Variants in MSI2 observed in about 807,000 individuals in gnomAD.
MSI2 encodes the protein musashi RNA binding protein 2, also known as RNA-binding protein Musashi homolog 2.
MSI2 carries 17 observed loss-of-function variants against 45.6 expected under a neutral mutation model. The ratio of observed to expected loss-of-function variants is 0.37; its 90% CI spans 0.26 to 0.56. MSI2 has a LOEUF of 0.56. Ranked by LOEUF, MSI2 falls within the 20% of genes least tolerant of loss-of-function variation. MSI2 has a pLI of 0.77. For synonymous variants in MSI2, 156 were observed against 158.2 expected, an observed-to-expected ratio of 0.99 and a Z score of 0.11; for missense variants, 293 against 444.2, an observed-to-expected ratio of 0.66 and a Z score of 3.06.
Position 57,481,263 on chromosome 17 carries a change from A to G in MSI2, c.406-48413A>G, listed in dbSNP as rs2051546143. On this transcript the variant is annotated intron_variant, in intron 6 of 13. Transcript: ENST00000284073. ...CAGCCGGCAAGTAATGTCTTTCAAA[A>G]GGATATATCCATTCTGCTGAAAAGC... 1.3e-5 allele frequency among the ~76,000 whole-genome samples: 2 copies of G among 152,244 alleles called. 1 individual carries two copies. The highest frequency in any genetic ancestry group is 1.3e-4 in the Admixed American group (2 of 15,290).
intron 6 of MSI2, among the ~76,000 whole-genome samples, chr17:57,465,259 C>T (rs911959151): frequency 1.3e-5 from 2 of 151,744 alleles, no homozygotes; most frequent in South Asian, 4.2e-4. Flanking sequence ...TCTAGGAGTT[C>T]GAGAACAGCC....
chr17:57,256,614 A>T lies in MSI2; in HGVS notation c.-129A>T. ...CGCCGCTCGCAGAGAGATTCGGAGG[A>T]GCCCGGGCGGGGGGGAGGAGGAGGG... On this transcript the variant is annotated 5_prime_UTR_variant, in exon 1 of 14. Transcript: ENST00000284073. 1 of 303,068 alleles carries T rather than the reference A, an allele frequency of 3.3e-6. No individual in the cohort carries two copies. Among genetic ancestry groups the T allele is most frequent in the Non-Finnish European group, 5.3e-6 (1 of 187,440 alleles). 18.8% of individuals were successfully genotyped at this position (303,068 alleles called of 1,614,324 possible). A position where few individuals can be genotyped will look rare whatever the true frequency, so the allele number is the denominator to read the frequency against.
chr17:57,369,522 TG>T (rs1205541252), intron 5 of MSI2, among the ~76,000 whole-genome samples: 1 of 152,228 alleles, frequency 6.6e-6, no homozygotes, highest in East Asian at 1.9e-4. Flanking sequence ...TAATTCATTC[TG>T]GTTTTGTTCC....
rs1195472553 is a variant in MSI2, at chr17:57,626,844, A to T, written c.653-385A>T. ...CTCTGTTGTCCACTGCCTTGGGAGG[A>T]TGCATCACGAGGACTTTAATCTCCT... On this transcript the variant is annotated intron_variant, in intron 9 of 13. Coordinates refer to ENST00000284073, the MANE Select transcript of MSI2 (RefSeq NM_138962.4). 3 of 228,366 alleles carry T rather than the reference A, an allele frequency of 1.3e-5. No homozygotes were observed. The East Asian group carries it at 3.5e-4, about 27-fold the overall frequency. 14.1% of individuals were successfully genotyped at this position (228,366 alleles called of 1,614,324 possible).
intron 6 of MSI2, among the ~76,000 whole-genome samples, chr17:57,525,594 T>C (rs2086680899): frequency 6.6e-6 from 1 of 152,200 alleles, no homozygotes. Context: ...CGGCCTATTT[T>C]GCTTTTTCAT....
At chr17:57,352,000 G>A (rs1916067378) in intron 5 of MSI2, among the ~76,000 whole-genome samples, 1 of 152,236 alleles carries the variant, frequency 6.6e-6, no homozygotes. Flanking sequence ...GAAACACTGA[G>A]AGGAAGGTGT....
At chr17:57,472,695 C>T (rs371016503) in intron 6 of MSI2, among the ~76,000 whole-genome samples, 2 of 152,206 alleles carry the variant, frequency 1.3e-5, no homozygotes, top group African/African-American at 4.8e-5. Context: ...GTTGTTATTG[C>T]GTTGCTGTGC....
chr17:57,580,975 T>A (rs1347077094), intron 7 of MSI2, among the ~76,000 whole-genome samples: 1 of 140,740 alleles, frequency 7.1e-6, no homozygotes, highest in African/African-American at 2.6e-5. Context: ...TCTCATTTAA[T>A]CCCCATGCCA....
intron 11 of MSI2, among the ~76,000 whole-genome samples, chr17:57,666,091 G>A (rs1912341720): frequency 6.6e-6 from 1 of 152,206 alleles, no homozygotes; most frequent in Non-Finnish European, 1.5e-5. Context: ...CTCCAAGGCT[G>A]GAGAATCTAT....
At chr17:57,416,392 C>T (rs1255468874) in intron 6 of MSI2, among the ~76,000 whole-genome samples, 1 of 152,200 alleles carries the variant, frequency 6.6e-6, no homozygotes, top group African/African-American at 2.4e-5. Context: ...ATAAATATTT[C>T]TTGCATATGA....
intron 10 of MSI2, chr17:57,629,311 C>T (rs994339477): frequency 3.9e-5 from 6 of 152,230 alleles, no homozygotes; most frequent in Admixed American, 3.3e-4. Flanking sequence ...CATCTATAAT[C>T]CCAGCTACTC....
intron 6 of MSI2, among the ~76,000 whole-genome samples, chr17:57,520,061 A>T (rs1034777196): frequency 2.0e-5 from 3 of 152,192 alleles, no homozygotes; most frequent in African/African-American, 7.2e-5. Context: ...TTTAAATTTT[A>T]AAAAGAGAAA....
chr17:57,344,216 C>T (rs562993802), intron 5 of MSI2, among the ~76,000 whole-genome samples: 10 of 152,304 alleles, frequency 6.6e-5, no homozygotes, highest in East Asian at 3.9e-4. Context: ...TTGGCATCTG[C>T]GGTAAGCAAG....
chr17:57,612,682 G>GT (rs1401165306), intron 8 of MSI2, among the ~76,000 whole-genome samples: 9 of 152,218 alleles, frequency 5.9e-5, no homozygotes, highest in African/African-American at 2.2e-4. Context: ...GAGAGGAAGA[G>GT]TAGGTGGGTT....
Position 57,652,067 on chromosome 17 carries a change from C to T in MSI2, c.728-32C>T. ...GTGCCTGGCCCTTTCAAGGATTCCT[C>T]CATGACTCAGGCTCCTCTCTCTCCT... is the stretch of plus-strand genomic sequence containing the variant. On this transcript the variant is annotated intron_variant, in intron 10 of 13. Coordinates refer to ENST00000284073, the MANE Select transcript of MSI2 (RefSeq NM_138962.4). This position sits in a 1 kb window ranked among gnomAD's most constrained non-coding sequence, Gnocchi z 4.1. 6.2e-7 allele frequency: 1 copy of T among 1,611,500 alleles called. No individual in the cohort carries two copies. The highest frequency in any genetic ancestry group is 8.5e-7 in the Non-Finnish European group (1 of 1,177,666).
intron 6 of MSI2, among the ~76,000 whole-genome samples, chr17:57,429,884 G>GA (rs1263539053): frequency 5.3e-5 from 8 of 152,192 alleles, no homozygotes; most frequent in Non-Finnish European, 4.4e-5. Flanking sequence ...TGGACACTGG[G>GA]AGCAGGCAGG....
chr17:57,269,614 C>T (rs1033555660), intron 5 of MSI2, among the ~76,000 whole-genome samples: 41 of 152,200 alleles, frequency 2.7e-4, no homozygotes, highest in African/African-American at 9.7e-4. Flanking sequence ...TCTGTTCTCT[C>T]CTCTTTTCCT....
At chr17:57,340,255 G>A (rs953674860) in intron 5 of MSI2, among the ~76,000 whole-genome samples, 4 of 152,108 alleles carry the variant, frequency 2.6e-5, no homozygotes, top group Admixed American at 6.5e-5. Flanking sequence ...CCAAGGAGTC[G>A]GCCTCCAGAC....
chr17:57,264,087 T>C (rs1356142158), intron 5 of MSI2: 1 of 152,172 alleles, frequency 6.6e-6, no homozygotes, highest in Non-Finnish European at 1.5e-5. Context: ...TTGTGTAGAG[T>C]AAAAGAGCAT....
Sources: gnomAD v4.1 joint callset for allele counts (sites outside exome capture counted in the v4.1 genomes callset) on GRCh38, gnomAD v4.1.1 for gene constraint, Gnocchi (gnomAD v3.1) non-coding constraint, MANE v1.5 for transcripts, NCBI Gene and HGNC (gene_info 2026-07-23, HGNC 2026-07-21) for gene names.